DES: variants seen among roughly 807,000 people sequenced by gnomAD.
DES encodes the protein cardiomyopathy, dilated 1F (autosomal dominant).
DES carries 34 observed loss-of-function variants against 55.1 expected under a neutral mutation model. The ratio of observed to expected loss-of-function variants is 0.62; its 90% CI spans 0.47 to 0.82. The LOEUF (loss-of-function observed/expected upper bound fraction) is 0.82. DES is among the 40% of genes least tolerant of loss of function. The pLI, the probability that DES is intolerant of heterozygous loss-of-function variation, is 0.00. For synonymous variants in DES, 259 were observed against 270.8 expected, an observed-to-expected ratio of 0.96 and a Z score of 0.43; for missense variants, 596 against 645.9, an observed-to-expected ratio of 0.92 and a Z score of 0.84.
chr2:219,421,039 TC>T, intron 5 of DES, 86 bp downstream of exon 5: 1 of 1,539,140 alleles, frequency 6.5e-7, no homozygotes, highest in Non-Finnish European at 8.8e-7. Context: ...CCATCATAGA[TC>T]CTCTCTGGGC....
chr2:219,418,410 C>T lies in DES; in HGVS notation c.-53C>T. The T allele has an allele frequency of 3.3e-6, 5 of 1,520,944 alleles. No individual in the cohort carries two copies. Among genetic ancestry groups the T allele is most frequent in the Non-Finnish European group, 4.4e-6 (5 of 1,142,318 alleles). The allele number at this position is 1,520,944 out of a possible 1,614,324, so 94.2% of individuals were successfully genotyped here. A position where few individuals can be genotyped will look rare whatever the true frequency, so the allele number is the denominator to read the frequency against. ...TCGCCGCATCCACTCTCCGGCCGGC[C>T]GCCTGCCCGCCGCCTCCTCCGTGCG... On this transcript the variant is annotated 5_prime_UTR_variant, in exon 1 of 9. Transcript: ENST00000373960.
Position 219,418,402 on chromosome 2 carries a change from CG to C in DES, c.-59del. Reference sequence around the variant, plus strand: ...GTCTCCCCTCGCCGCATCCACTCTCCGGCCGGCCGCCTGCCCGCCGCCTCCT... The same window carrying C: ...GTCTCCCCTCGCCGCATCCACTCTCCGCCGGCCGCCTGCCCGCCGCCTCCT... On this transcript the variant is annotated 5_prime_UTR_variant, in exon 1 of 9. Coordinates refer to ENST00000373960, the MANE Select transcript of DES (RefSeq NM_001927.4). The C allele has an allele frequency of 4.7e-6, 7 of 1,503,456 alleles. No homozygotes were observed. In the Admixed American group the frequency reaches 8.4e-5, roughly 18 times the overall value. The allele number at this position is 1,503,456 out of a possible 1,614,324, so 93.1% of individuals were successfully genotyped here. A position where few individuals can be genotyped will look rare whatever the true frequency, so the allele number is the denominator to read the frequency against.
Position 219,420,398 on chromosome 2 carries a change from G to C in DES, c.735+52G>C. ...TCACTGGGCCATGGGGAAAGCAGCCGGAAAGTGGGGTTGGGGTGAGGCTCT... is the reference window on the plus strand; with the variant it reads ...TCACTGGGCCATGGGGAAAGCAGCCCGAAAGTGGGGTTGGGGTGAGGCTCT... On this transcript the variant is annotated intron_variant, in intron 3 of 8. Coordinates refer to ENST00000373960, the MANE Select transcript of DES (RefSeq NM_001927.4). The surrounding 1 kb of genome is among the most constrained non-coding windows in gnomAD (Gnocchi z 6.0). 6.2e-7 allele frequency: 1 copy of C among 1,612,116 alleles called. No individual in the cohort carries two copies. The highest frequency in any genetic ancestry group is 8.5e-7 in the Non-Finnish European group (1 of 1,178,970).
Position 219,418,920 on chromosome 2 carries a change from A to G in DES, c.458A>G (p.Glu153Gly). ...GGCCGCGAGCCGACGCGAGTGGCCG[A>G]GCTCTACGAGGAGGAGCTGCGGGAG... is the stretch of plus-strand genomic sequence containing the variant. ...LKGREPTRVA[E>G]LYEEELRELR... The change falls in exon 1 of 9, where the codon GAG becomes GGG. Residue 153 changes from glutamate to glycine, a missense_variant. By Grantham distance (98) the Glu-to-Gly change is moderately conservative (BLOSUM62 -2). Transcript: ENST00000373960. 6.4e-7 allele frequency: 1 copy of G among 1,562,016 alleles called. No individual in the cohort carries two copies. Among genetic ancestry groups the G allele is most frequent in the Non-Finnish European group, 8.7e-7 (1 of 1,152,926 alleles).
At chr2:219,423,166 A>C (rs977573032) in intron 6 of DES, among the ~76,000 whole-genome samples, 2 of 152,182 alleles carry the variant, frequency 1.3e-5, no homozygotes, top group African/African-American at 4.8e-5. Context: ...ACTAGTACCA[A>C]CTTCAGTGCC....
At position 219,423,471 on chromosome 2, in the gene DES, G is replaced by T. The variant is rs144177848; in HGVS notation, c.1245-306G>T. ...TTTTTTTTTTTTGAGACAGGGTCTTGTTCTGTCCCCCAGGCTGGAGTGCAG... is the reference window on the plus strand; with the variant it reads ...TTTTTTTTTTTTGAGACAGGGTCTTTTTCTGTCCCCCAGGCTGGAGTGCAG... On this transcript the variant is annotated intron_variant, in intron 6 of 8. Transcript: ENST00000373960. Among the ~76,000 whole-genome samples the T allele has an allele frequency of 0.022, 3,065 of 136,656 alleles. 122 individuals are homozygous for T. Among genetic ancestry groups the T allele is most frequent in the African/African-American group, 0.079 (2,846 of 36,250 alleles). The allele number at this position is 136,656 out of a possible 152,430, so 89.7% of individuals were successfully genotyped here.
In DES at chr2:219,418,593, G is replaced by T. The variant is rs1954364360; in HGVS notation, c.131G>T (p.Gly44Val). The T allele has an allele frequency of 6.2e-7, 1 of 1,604,516 alleles. No individual in the cohort carries two copies. Residue 44 changes from glycine (G) to valine (V), a missense_variant, in exon 1 of 9, where the codon GGC (glycine) becomes GTC (valine). By Grantham distance (109) the Gly-to-Val change is moderately radical. Coordinates refer to ENST00000373960, the MANE Select transcript of DES (RefSeq NM_001927.4). ...VFPRAGFGSK[G>V]SSSSVTSRVY... ...CCGCGGGCGGGTTTCGGCTCTAAGGGCTCCTCCAGCTCGGTGACGTCCCGC... is the reference window on the plus strand; with the variant it reads ...CCGCGGGCGGGTTTCGGCTCTAAGGTCTCCTCCAGCTCGGTGACGTCCCGC...
rs1445220768 is a variant in DES, at chr2:219,418,876, C to G, written c.414C>G (p.Ala138=). Residue 138 remains alanine, a synonymous_variant, in exon 1 of 9, where the codon GCC becomes GCG. Transcript: ENST00000373960. ...FLEQQNAALA[A]EVNRLKGREP... is the part of the protein sequence containing the mutation. Reference sequence around the variant, plus strand: ...AGCAGCAGAACGCGGCGCTCGCCGCCGAAGTGAACCGGCTCAAGGGCCGCG... The same window carrying G: ...AGCAGCAGAACGCGGCGCTCGCCGCGGAAGTGAACCGGCTCAAGGGCCGCG... 3.2e-6 allele frequency: 5 copies of G among 1,571,820 alleles called. No homozygotes were observed. The African/African-American group carries it at 5.4e-5, about 17-fold the overall frequency.
At chr2:219,425,924 G>A (rs1222160432) in intron 8 of DES, 25 bp from the exon 9 acceptor site, 2 of 1,613,894 alleles carry the variant, frequency 1.2e-6, no homozygotes, top group African/African-American at 1.3e-5. Flanking sequence ...GCACATGGTT[G>A]GACTGGGCTT....
intron 6 of DES, 90 bp downstream of exon 6, chr2:219,421,650 T>C: frequency 8.4e-7 from 1 of 1,197,028 alleles, no homozygotes. Context: ...ACTGATTACC[T>C]CAACAAGACC....
Position 219,419,375 on chromosome 2 carries a change from G to T in DES, c.578+335G>T, listed in dbSNP as rs1303697013. ...ATATTTATGGGGTCAGGTAGTTGAT[G>T]GGCAGAGGAAGGGCTGCAGGAGGCC... On this transcript the variant is annotated intron_variant, in intron 1 of 8. Coordinates refer to ENST00000373960, the MANE Select transcript of DES (RefSeq NM_001927.4). The surrounding 1 kb of genome is among the most constrained non-coding windows in gnomAD (Gnocchi z 4.3). 6.6e-6 allele frequency among the ~76,000 whole-genome samples: 1 copy of T among 152,220 alleles called. No homozygotes were observed. The highest frequency in any genetic ancestry group is 1.5e-5 in the Non-Finnish European group (1 of 68,040).
chr2:219,426,463 G>T lies in DES; in HGVS notation c.*473G>T. ...GACTAGCCCCTGTGGAGACTGGGGG[G>T]CTTGAAATTGTCCCCGTGGTCTCTT... is the stretch of plus-strand genomic sequence containing the variant. On this transcript the variant is annotated 3_prime_UTR_variant, in exon 9 of 9. Transcript: ENST00000373960. This position sits in a 1 kb window ranked among gnomAD's most constrained non-coding sequence, Gnocchi z 4.5. 4.2e-6 allele frequency: 1 copy of T among 235,468 alleles called. No homozygotes were observed. Among genetic ancestry groups the T allele is most frequent in the Non-Finnish European group, 8.5e-6 (1 of 117,346 alleles). 14.6% of individuals were successfully genotyped at this position (235,468 alleles called of 1,614,324 possible). A position where few individuals can be genotyped will look rare whatever the true frequency, so the allele number is the denominator to read the frequency against.
At chr2:219,425,821 T>C in intron 8 of DES, 76 bp downstream of exon 8, 12 of 1,599,846 alleles carry the variant, frequency 7.5e-6, no homozygotes, top group Non-Finnish European at 1.0e-5. Context: ...TCCACCCAGC[T>C]GTGCTGGTCT....
rs1575013004 is a variant in DES, at chr2:219,418,570, G to A, written c.108G>A (p.Pro36=). ...LGSPLSSPVF[P]RAGFGSKGSS... is the part of the protein sequence containing the mutation. ...CCCCGCTGAGTTCGCCCGTGTTCCC[G>A]CGGGCGGGTTTCGGCTCTAAGGGCT... Residue 36 remains proline (P), a synonymous_variant, in exon 1 of 9, where the codon CCG becomes CCA. Transcript: ENST00000373960. 6.2e-7 allele frequency: 1 copy of A among 1,603,592 alleles called. No homozygotes were observed. Among genetic ancestry groups the A allele is most frequent in the Non-Finnish European group, 8.5e-7 (1 of 1,175,770 alleles).
chr2:219,422,879 C>A (rs1954470592), intron 6 of DES, among the ~76,000 whole-genome samples: 1 of 152,122 alleles, frequency 6.6e-6, no homozygotes, highest in African/African-American at 2.4e-5. Flanking sequence ...GTAAATTTAA[C>A]CTCAATTTAA....
intron 6 of DES, among the ~76,000 whole-genome samples, chr2:219,423,312 G>A (rs1484513368): frequency 4.6e-5 from 7 of 152,142 alleles, no homozygotes; most frequent in Non-Finnish European, 1.0e-4. Flanking sequence ...GCTGGCCTTC[G>A]ACCCCATTCC....
Position 219,420,944 on chromosome 2 carries a change from G to C in DES, c.1014G>C (p.Leu338=), listed in dbSNP as rs12920. 554,883 of 1,612,460 alleles carry C rather than the reference G, an allele frequency of 0.34. 97,380 individuals are homozygous for C. The highest frequency in any genetic ancestry group is 0.45 in the African/African-American group (33,358 of 74,866). Residue 338 remains leucine, a synonymous_variant, in exon 5 of 9, where the codon CTG becomes CTC. Transcript: ENST00000373960. The surrounding 1 kb of genome is among the most constrained non-coding windows in gnomAD (Gnocchi z 6.0). ...CCTACACCTGCGAGATTGACGCCCT[G>C]AAGGGCACTGTGAGTCCCTGCCCAC... is the stretch of plus-strand genomic sequence containing the variant. The part of the protein sequence containing the change: ...IQSYTCEIDA[L]KGTNDSLMRQ...
chr2:219,419,659 C>A lies in DES; in HGVS notation c.579-436C>A, dbSNP rs1482924775. 2.0e-5 allele frequency among the ~76,000 whole-genome samples: 3 copies of A among 152,298 alleles called. No homozygotes were observed. Among genetic ancestry groups the A allele is most frequent in the Admixed American group, 6.5e-5 (1 of 15,308 alleles). Reference sequence around the variant, plus strand: ...TGGGAGGACCTGACTGTAGACTTCACCAGGCTCCAAGAACGAAAAGGGCAG... The same window carrying A: ...TGGGAGGACCTGACTGTAGACTTCAACAGGCTCCAAGAACGAAAAGGGCAG... On this transcript the variant is annotated intron_variant, in intron 1 of 8. Transcript: ENST00000373960. This position sits in a 1 kb window ranked among gnomAD's most constrained non-coding sequence, Gnocchi z 4.3.
rs1954391777 is a variant in DES, at chr2:219,419,311, G to A, written c.578+271G>A. On this transcript the variant is annotated intron_variant, in intron 1 of 8. Transcript: ENST00000373960. This position sits in a 1 kb window ranked among gnomAD's most constrained non-coding sequence, Gnocchi z 4.3. ...GAATTTAGGGGACCCGGTGCCCTGT[G>A]GACAGCCCCGTTAAAAAGCATTTTA... is the stretch of plus-strand genomic sequence containing the variant. 6.6e-6 allele frequency among the ~76,000 whole-genome samples: 1 copy of A among 152,216 alleles called. No individual in the cohort carries two copies. The highest frequency in any genetic ancestry group is 2.4e-5 in the African/African-American group (1 of 41,450).
Sources: gnomAD v4.1 joint callset for allele counts (sites outside exome capture counted in the v4.1 genomes callset) on GRCh38, gnomAD v4.1.1 for gene constraint, Gnocchi (gnomAD v3.1) non-coding constraint, MANE v1.5 for transcripts, NCBI Gene and HGNC (gene_info 2026-07-23, HGNC 2026-07-21) for gene names.